The following FHIT variants were observed in gnomAD, a reference collection of about 807,000 sequenced individuals.
FHIT encodes bis(5'-adenosyl)-triphosphatase.
FHIT carries 19 observed loss-of-function variants against 17.9 expected under a neutral mutation model. The observed-to-expected ratio is 1.06, with a 90% CI of 0.74 to 1.56. FHIT has a LOEUF of 1.56. FHIT is among the 40% of genes most tolerant of loss of function. The probability of loss-of-function intolerance (pLI) is 0.00; values close to 1 mark genes in which losing one functional copy is unlikely to be tolerated. For synonymous variants in FHIT, 81 were observed against 69.7 expected, an observed-to-expected ratio of 1.16 and a Z score of -0.81; for missense variants, 248 against 189.2, an observed-to-expected ratio of 1.31 and a Z score of -1.82.
In FHIT at chr3:60,105,746, G is replaced by C. The variant is rs1053780793; in HGVS notation, c.104-91594C>G. Among the ~76,000 whole-genome samples, 3 of 137,618 alleles carry C rather than the reference G, an allele frequency of 2.2e-5. No homozygotes were observed. The Admixed American group carries it at 2.3e-4, about 11-fold the overall frequency. The allele number at this position is 137,618 out of a possible 152,430, so 90.3% of individuals were successfully genotyped here. A position where few individuals can be genotyped will look rare whatever the true frequency, so the allele number is the denominator to read the frequency against. The stretch of plus-strand genomic sequence containing the variant: ...ATTTCCGACTCCAAATTTATAAAAA[G>C]TGTGGATTTTTTTTTAGTTGAAAGC... On this transcript the variant is annotated intron_variant, in intron 5 of 9. Transcript: ENST00000492590.
intron 4 of FHIT, among the ~76,000 whole-genome samples, chr3:60,657,549 C>T (rs1553689952): frequency 6.6e-6 from 1 of 152,138 alleles, no homozygotes; most frequent in African/African-American, 2.4e-5. Flanking sequence ...CTTATCCATT[C>T]AATAAATATG....
intron 5 of FHIT, among the ~76,000 whole-genome samples, chr3:60,381,003 C>A (rs549997773): frequency 5.9e-5 from 9 of 152,248 alleles, no homozygotes; most frequent in African/African-American, 2.2e-4. Flanking sequence ...CTGATATGAC[C>A]AAGACCTTGT....
chr3:59,770,523 C>G (rs1321638638), intron 8 of FHIT, among the ~76,000 whole-genome samples: 4 of 152,174 alleles, frequency 2.6e-5, no homozygotes, highest in Non-Finnish European at 5.9e-5. Flanking sequence ...CAAAGATCAT[C>G]AGCAAACTCC....
intron 5 of FHIT, among the ~76,000 whole-genome samples, chr3:60,296,077 G>A (rs1285435229): frequency 6.6e-6 from 1 of 152,096 alleles, no homozygotes; most frequent in Non-Finnish European, 1.5e-5. Flanking sequence ...CATGTAAGAT[G>A]TGCCTTTCAC....
chr3:60,449,742 G>A (rs1481440047), intron 5 of FHIT, among the ~76,000 whole-genome samples: 1 of 151,856 alleles, frequency 6.6e-6, no homozygotes, highest in African/African-American at 2.4e-5. Flanking sequence ...TGGTGACTCA[G>A]GCCTGTAATC....
At chr3:60,426,242 G>C (rs1702659652) in intron 5 of FHIT, among the ~76,000 whole-genome samples, 1 of 152,128 alleles carries the variant, frequency 6.6e-6, no homozygotes, top group African/African-American at 2.4e-5. Flanking sequence ...CTTGCCAAGT[G>C]CTTGCAAATA....
At chr3:60,523,423 T>C (rs2035449001) in intron 5 of FHIT, among the ~76,000 whole-genome samples, 3 of 152,108 alleles carry the variant, frequency 2.0e-5, no homozygotes, top group Admixed American at 6.5e-5. Context: ...CAAACTAAAA[T>C]TGTCTAATGG....
chr3:61,204,007 A>T (rs1165614045), intron 1 of FHIT, among the ~76,000 whole-genome samples: 2 of 152,256 alleles, frequency 1.3e-5, no homozygotes, highest in African/African-American at 4.8e-5. Context: ...ATGGAGTATT[A>T]TATAACTTTG....
chr3:60,054,884 G>T (rs1383806022), intron 5 of FHIT, among the ~76,000 whole-genome samples: 1 of 152,108 alleles, frequency 6.6e-6, no homozygotes, highest in Non-Finnish European at 1.5e-5. Flanking sequence ...TCACTGGTGA[G>T]AAATTTGTGT....
intron 4 of FHIT, chr3:60,690,531 C>T: frequency 5.4e-6 from 3 of 559,134 alleles, no homozygotes; most frequent in South Asian, 2.8e-5. Flanking sequence ...AGTCACCACC[C>T]TGACATACAA....
rs140737235 is a variant in FHIT, at chr3:60,594,047, G to C, written c.-17-57068C>G. On this transcript the variant is annotated intron_variant, in intron 4 of 9. Transcript: ENST00000492590. ...CAGAGCTGCGTTGAGAACTATATTT[G>C]AGTAAACACAAAAGAAAAGCATTTT... Among the ~76,000 whole-genome samples, 1,120 of 152,166 alleles carry C rather than the reference G, an allele frequency of 7.4e-3. 4 individuals are homozygous for C. The highest frequency in any genetic ancestry group is 0.012 in the Non-Finnish European group (786 of 67,982).
At chr3:60,225,929 G>A (rs1388089632) in intron 5 of FHIT, among the ~76,000 whole-genome samples, 3 of 152,164 alleles carry the variant, frequency 2.0e-5, no homozygotes, top group African/African-American at 7.2e-5. Flanking sequence ...AGGGAAAACA[G>A]TCATTTCAAC....
chr3:61,089,648 A>G (rs1466349423), intron 2 of FHIT, among the ~76,000 whole-genome samples: 1 of 152,178 alleles, frequency 6.6e-6, no homozygotes, highest in Non-Finnish European at 1.5e-5. Context: ...TTTACAGAAG[A>G]CTTGAACTCT....
intron 5 of FHIT, among the ~76,000 whole-genome samples, chr3:60,057,234 G>C (rs1202626131): frequency 6.6e-6 from 1 of 152,146 alleles, no homozygotes; most frequent in East Asian, 1.9e-4. Context: ...ATGTCCATAT[G>C]ACAGACGCCA....
intron 2 of FHIT, among the ~76,000 whole-genome samples, chr3:61,183,663 T>A (rs2038413223): frequency 6.6e-6 from 1 of 152,168 alleles, no homozygotes; most frequent in South Asian, 2.1e-4. Flanking sequence ...TCAAGAAAAG[T>A]GACTGTAGTA....
rs150977803 is a variant in FHIT at position 59,843,737 on chromosome 3, T to C, written c.348+78609A>G. Among the ~76,000 whole-genome samples the C allele has an allele frequency of 2.1e-4, 32 of 152,300 alleles. 1 individual carries two copies. In the East Asian group the frequency reaches 5.6e-3, roughly 27 times the overall value. ...TTTTGTTTGTTGACTTTGTGTCTTA[T>C]TGCTTTGTTGAATTCATTTATTACT... On this transcript the variant is annotated intron_variant, in intron 8 of 9. Transcript: ENST00000492590.
intron 8 of FHIT, among the ~76,000 whole-genome samples, chr3:59,866,005 TCTC>T: frequency 6.6e-6 from 1 of 152,310 alleles, no homozygotes; most frequent in South Asian, 2.1e-4. Flanking sequence ...GAAATATGGT[TCTC>T]CTGTTAAAGT....
intron 8 of FHIT, among the ~76,000 whole-genome samples, chr3:59,781,170 C>A (rs1336180037): frequency 6.6e-6 from 1 of 152,180 alleles, no homozygotes; most frequent in African/African-American, 2.4e-5. Flanking sequence ...AAGGCCTGAC[C>A]TAGAATGACC....
chr3:60,752,689 C>G (rs981995325), intron 4 of FHIT, among the ~76,000 whole-genome samples: 1 of 152,114 alleles, frequency 6.6e-6, no homozygotes, highest in Non-Finnish European at 1.5e-5. Flanking sequence ...TGTTGGAGCG[C>G]TTGGTGTAAG....
Sources: allele counts gnomAD v4.1 joint callset (sites outside exome capture counted in the v4.1 genomes callset), GRCh38; gene constraint gnomAD v4.1.1; transcripts MANE v1.5; gene names NCBI Gene and HGNC (gene_info 2026-07-23, HGNC 2026-07-21).